ANGPT1: variants seen among roughly 807,000 people sequenced by gnomAD.
ANGPT1 encodes angiopoietin 1, also known as angiopoietin-1.
Under a neutral mutation model 62.2 loss-of-function variants are expected in ANGPT1, and 17 were observed. That is an observed-to-expected ratio of 0.27 (90% confidence interval 0.19 to 0.41). The LOEUF is 0.41. Among genes scored for constraint, ANGPT1 ranks in the 10% least tolerant of loss-of-function variants. The probability of loss-of-function intolerance (pLI) is 1.00; values close to 1 mark genes in which losing one functional copy is unlikely to be tolerated. For synonymous variants in ANGPT1, 199 were observed against 198.9 expected (o/e 1.00, Z 0.00); for missense variants, 478 against 594.9 (o/e 0.80, Z 2.04).
chr8:107,396,517 C>CTTTTTTTTTTTTTTTT lies in ANGPT1; in HGVS notation c.298-49436_298-49421dup, dbSNP rs10686360. 1.1e-4 allele frequency among the ~76,000 whole-genome samples: 9 copies of CTTTTTTTTTTTTTTTT among 84,828 alleles called. 1 individual carries two copies. The highest frequency in any genetic ancestry group is 9.2e-5 in the African/African-American group (2 of 21,752). The allele number at this position is 84,828 out of a possible 152,430, so 55.7% of individuals were successfully genotyped here. ...TTTTTCTTTTTCTTTTCTTTTCTCT[C>CTTTTTTTTTTTTTTTT]TTTTTTTTTTTTTTTTTTTTTTGAG... On this transcript the variant is annotated intron_variant, in intron 1 of 8. Transcript: ENST00000517746.
chr8:107,431,118 A>G (rs919584314), intron 1 of ANGPT1, among the ~76,000 whole-genome samples: 6 of 152,154 alleles, frequency 3.9e-5, no homozygotes, highest in African/African-American at 1.4e-4. Flanking sequence ...AGAACAGGCT[A>G]TTTTGCCTCT....
intron 4 of ANGPT1, among the ~76,000 whole-genome samples, chr8:107,318,972 T>A (rs116255015): frequency 0.01 from 1,527 of 152,268 alleles, 19 homozygotes; most frequent in African/African-American, 0.034. Flanking sequence ...CCAAAAAAGC[T>A]GCCTGGATGA....
chr8:107,364,995 T>C (rs1816243657), intron 1 of ANGPT1, among the ~76,000 whole-genome samples: 1 of 152,088 alleles, frequency 6.6e-6, no homozygotes, highest in South Asian at 2.1e-4. Context: ...TTCTAAACAT[T>C]ATAGTTAACA....
At chr8:107,384,072 G>T (rs1029002977) in intron 1 of ANGPT1, among the ~76,000 whole-genome samples, 1 of 152,076 alleles carries the variant, frequency 6.6e-6, no homozygotes, top group East Asian at 1.9e-4. Context: ...CACCCAAAAG[G>T]GTTTGTATTT....
intron 8 of ANGPT1, among the ~76,000 whole-genome samples, chr8:107,255,292 T>A (rs555134950): frequency 2.0e-5 from 3 of 152,302 alleles, no homozygotes; most frequent in East Asian, 3.9e-4. Flanking sequence ...AGCTTCTATA[T>A]AGTCTGTACT....
At chr8:107,284,979 C>G (rs1351882630) in intron 6 of ANGPT1, 131 bp from the exon 7 acceptor site, 2 of 678,436 alleles carry the variant, frequency 2.9e-6, no homozygotes, top group African/African-American at 3.7e-5. Context: ...ACATTTTACA[C>G]TTTTTCTCCA....
At chr8:107,357,300 G>A (rs1051272945) in intron 1 of ANGPT1, among the ~76,000 whole-genome samples, 6 of 152,086 alleles carry the variant, frequency 3.9e-5, no homozygotes, top group Non-Finnish European at 8.8e-5. Context: ...GAATTAAAAA[G>A]CAACTTGGTA....
At chr8:107,391,751 T>G (rs1022793677) in intron 1 of ANGPT1, among the ~76,000 whole-genome samples, 3 of 152,204 alleles carry the variant, frequency 2.0e-5, no homozygotes, top group African/African-American at 7.2e-5. Context: ...CTAGGCTGTA[T>G]GGTATAGTCC....
intron 1 of ANGPT1, among the ~76,000 whole-genome samples, chr8:107,491,191 C>G (rs1812944627): frequency 6.6e-6 from 1 of 151,342 alleles, no homozygotes; most frequent in Admixed American, 6.6e-5. Flanking sequence ...GTGAACAAGA[C>G]AGGTGCATCA....
At chr8:107,296,812 T>A (rs936343006) in intron 5 of ANGPT1, among the ~76,000 whole-genome samples, 2 of 152,086 alleles carry the variant, frequency 1.3e-5, no homozygotes, top group African/African-American at 4.8e-5. Context: ...CAAGTTGTGT[T>A]TGCAAAGCTG....
chr8:107,471,050 A>T (rs1025520191), intron 1 of ANGPT1, among the ~76,000 whole-genome samples: 8 of 152,162 alleles, frequency 5.3e-5, no homozygotes, highest in Non-Finnish European at 1.5e-5. Context: ...TACTGGGTAG[A>T]TACCCAAAGA....
chr8:107,418,260 A>G (rs1810805401), intron 1 of ANGPT1, among the ~76,000 whole-genome samples: 1 of 152,178 alleles, frequency 6.6e-6, no homozygotes, highest in South Asian at 2.1e-4. Flanking sequence ...CCCCGTCACC[A>G]TTTTACCATT....
At chr8:107,379,771 G>A (rs1049466372) in intron 1 of ANGPT1, among the ~76,000 whole-genome samples, 1 of 152,156 alleles carries the variant, frequency 6.6e-6, no homozygotes, top group Non-Finnish European at 1.5e-5. Flanking sequence ...GTGCACTGAA[G>A]TATGGCAAGA....
intron 1 of ANGPT1, among the ~76,000 whole-genome samples, chr8:107,380,433 T>C (rs1212020740): frequency 6.6e-6 from 1 of 152,022 alleles, no homozygotes; most frequent in Non-Finnish European, 1.5e-5. Flanking sequence ...TATATATGTA[T>C]ATATAGTGAC....
At chr8:107,258,917 T>A (rs1813430739) in intron 8 of ANGPT1, among the ~76,000 whole-genome samples, 1 of 152,190 alleles carries the variant, frequency 6.6e-6, no homozygotes. Flanking sequence ...TTTTGCAATG[T>A]CCTTTCAGAG....
chr8:107,257,373 A>G (rs1002219672), intron 8 of ANGPT1, among the ~76,000 whole-genome samples: 1 of 152,164 alleles, frequency 6.6e-6, no homozygotes. Context: ...TTCACATTTT[A>G]TCGCTAATAG....
At chr8:107,289,626 T>C (rs567400043) in intron 6 of ANGPT1, among the ~76,000 whole-genome samples, 85 of 152,276 alleles carry the variant, frequency 5.6e-4, no homozygotes, top group Non-Finnish European at 9.7e-4. Context: ...TAATTTCATA[T>C]GCATTTTTCT....
intron 2 of ANGPT1, among the ~76,000 whole-genome samples, chr8:107,344,214 T>C (rs1815756019): frequency 6.6e-6 from 1 of 152,120 alleles, no homozygotes; most frequent in Non-Finnish European, 1.5e-5. Context: ...AGGCAATTTG[T>C]TTGTCTGTTA....
At chr8:107,413,616 G>A (rs1287488867) in intron 1 of ANGPT1, among the ~76,000 whole-genome samples, 1 of 149,138 alleles carries the variant, frequency 6.7e-6, no homozygotes, top group Non-Finnish European at 1.5e-5. Context: ...TTAATTTAAT[G>A]AATTACTATT....
Sources: gnomAD v4.1 joint callset for allele counts (sites outside exome capture counted in the v4.1 genomes callset) on GRCh38, gnomAD v4.1.1 for gene constraint, MANE v1.5 for transcripts, NCBI Gene and HGNC (gene_info 2026-07-23, HGNC 2026-07-21) for gene names.